Variants in GALM observed in about 807,000 individuals in gnomAD.
GALM encodes galactose mutarotase.
GALM carries 43 observed loss-of-function variants against 37.4 expected under a neutral mutation model. The ratio of observed to expected loss-of-function variants is 1.15; its 90% CI spans 0.90 to 1.48. The LOEUF is 1.48. GALM is among the 40% of genes most tolerant of loss of function. The pLI, the probability that GALM is intolerant of heterozygous loss-of-function variation, is 0.00. For synonymous variants in GALM, 199 were observed against 170.6 expected, an observed-to-expected ratio of 1.17 and a Z score of -1.30; for missense variants, 456 against 419.1, an observed-to-expected ratio of 1.09 and a Z score of -0.77.
Position 38,693,077 on chromosome 2 carries a change from C to T in GALM, c.634+3183C>T, listed in dbSNP as rs116163922. On this transcript the variant is annotated intron_variant, in intron 4 of 6. Transcript: ENST00000272252. ...CCCAGGCTGGCCTGGAGCTCAAGGC[C>T]GATCCACATAGCTGACTCACAGGTG... 5.7e-3 allele frequency among the ~76,000 whole-genome samples: 868 copies of T among 152,240 alleles called. 11 individuals carry two copies. Among genetic ancestry groups the T allele is most frequent in the African/African-American group, 0.019 (779 of 41,538 alleles).
chr2:38,677,481 T>A (rs190580177), intron 2 of GALM, among the ~76,000 whole-genome samples: 41 of 152,242 alleles, frequency 2.7e-4, no homozygotes, highest in African/African-American at 9.6e-4. Context: ...GAGGGCAGCA[T>A]GTGCTCTGCC....
At chr2:38,703,583 AGGTCCT>A (rs1665975098) in intron 4 of GALM, among the ~76,000 whole-genome samples, 1 of 152,164 alleles carries the variant, frequency 6.6e-6, no homozygotes, top group Non-Finnish European at 1.5e-5. Flanking sequence ...TTGAACTCTG[AGGTCCT>A]GTCCATTTCT....
intron 4 of GALM, among the ~76,000 whole-genome samples, chr2:38,713,983 T>C (rs989085624): frequency 3.3e-5 from 5 of 151,782 alleles, no homozygotes; most frequent in Non-Finnish European, 7.4e-5. Flanking sequence ...CCAATGATAA[T>C]AATTGGACTT....
intron 4 of GALM, among the ~76,000 whole-genome samples, chr2:38,728,382 A>T (rs1485743140): frequency 6.8e-6 from 1 of 147,644 alleles, no homozygotes; most frequent in East Asian, 2.0e-4. Context: ...CGACGAGCAA[A>T]ACTCTGTCTC....
Position 38,731,772 on chromosome 2 carries a change from TA to T in GALM, c.815del (p.Tyr272SerfsTer19), listed in dbSNP as rs1558599861. The T allele has an allele frequency of 6.2e-7, 1 of 1,614,016 alleles. No individual in the cohort carries two copies. The highest frequency in any genetic ancestry group is 2.2e-5 in the East Asian group (1 of 44,878). ...TGCAAGCGGGCGGGTACTAGAAGTATACACCACCCAGCCCGGGGTCCAGTTT... is the reference window on the plus strand; with the variant it reads ...TGCAAGCGGGCGGGTACTAGAAGTATCACCACCCAGCCCGGGGTCCAGTTT... ...HAASGRVLEV[Y>X]TTQPGVQFYT... On this transcript the variant is annotated frameshift_variant, in exon 6 of 7. Transcript: ENST00000272252. LOFTEE classifies it high-confidence loss of function.
chr2:38,670,540 C>T (rs73933117), intron 1 of GALM, among the ~76,000 whole-genome samples: 11,346 of 152,180 alleles, frequency 0.075, 566 homozygotes, highest in East Asian at 0.15. Flanking sequence ...TGTGCGACCC[C>T]GGGCAATTTA....
intron 4 of GALM, among the ~76,000 whole-genome samples, chr2:38,712,753 C>CAATATAAGGAACA (rs1666196337): frequency 6.6e-6 from 1 of 152,128 alleles, no homozygotes; most frequent in African/African-American, 2.4e-5. Context: ...AAAGGAGGAG[C>CAATATAAGGAACA]GCAGGACAGC....
chr2:38,717,182 C>T (rs1336462466), intron 4 of GALM, among the ~76,000 whole-genome samples: 3 of 151,116 alleles, frequency 2.0e-5, no homozygotes, highest in Admixed American at 6.6e-5. Context: ...CCTGGGAGGC[C>T]GAGGTTGCAG....
intron 4 of GALM, among the ~76,000 whole-genome samples, chr2:38,700,610 G>A (rs1380779374): frequency 3.9e-5 from 6 of 151,918 alleles, no homozygotes. Flanking sequence ...CAGTCTATGT[G>A]TGTCGTTACA....
chr2:38,699,188 A>G (rs996347776), intron 4 of GALM, among the ~76,000 whole-genome samples: 1 of 152,180 alleles, frequency 6.6e-6, no homozygotes, highest in Non-Finnish European at 1.5e-5. Flanking sequence ...TGCTGGGGTT[A>G]CAGGCATGAG....
In GALM at chr2:38,666,242, C is replaced by G; in HGVS notation, c.81C>G (p.Asp27Glu). 6.2e-7 allele frequency: 1 copy of G among 1,614,020 alleles called. No homozygotes were observed. ...GTVEKFQLQSDLLRVDIISWG... is the reference protein window; with the variant it reads ...GTVEKFQLQSELLRVDIISWG... ...TGGAGAAGTTCCAGCTGCAGTCAGA[C>G]CTCTTGAGAGTGGACATCATCTCCT... Residue 27 changes from aspartate (D) to glutamate (E), a missense_variant, in exon 1 of 7, where the codon GAC becomes GAG. By Grantham distance (45) the Asp-to-Glu change is conservative. Coordinates refer to ENST00000272252, the MANE Select transcript of GALM (RefSeq NM_138801.3).
intron 5 of GALM, 54 bp downstream of exon 5, chr2:38,729,751 A>G (rs2148459651): frequency 6.7e-7 from 1 of 1,491,654 alleles, no homozygotes; most frequent in South Asian, 1.1e-5. Context: ...ACCAAGTCCT[A>G]TTTTCCTTTG....
At chr2:38,676,133 C>G in intron 2 of GALM, 67 bp downstream of exon 2, 1 of 1,513,828 alleles carries the variant, frequency 6.6e-7, no homozygotes, top group East Asian at 2.3e-5. Flanking sequence ...GCTTGCCAGG[C>G]ACAGTCATAG....
chr2:38,683,261 G>A (rs750129513), intron 3 of GALM, among the ~76,000 whole-genome samples: 9 of 152,080 alleles, frequency 5.9e-5, no homozygotes, highest in Non-Finnish European at 8.8e-5. Flanking sequence ...TTGGAGTGAC[G>A]GGTATTTCTG....
At chr2:38,702,880 T>C (rs1471776909) in intron 4 of GALM, among the ~76,000 whole-genome samples, 1 of 146,532 alleles carries the variant, frequency 6.8e-6, no homozygotes, top group African/African-American at 2.5e-5. Flanking sequence ...TCCTTTACAT[T>C]TGTTTTAAAC....
intron 4 of GALM, among the ~76,000 whole-genome samples, chr2:38,707,676 C>T (rs1666058168): frequency 6.6e-6 from 1 of 152,166 alleles, no homozygotes; most frequent in Non-Finnish European, 1.5e-5. Context: ...CCCAACTAGG[C>T]AGCTTTCTTG....
chr2:38,729,557 A>G lies in GALM; in HGVS notation c.636A>G (p.Gly212=). The change falls in exon 5 of 7, where the codon GGA becomes GGG. Residue 212 remains glycine (G), a splice_region_variant and synonymous_variant. Coordinates refer to ENST00000272252, the MANE Select transcript of GALM (RefSeq NM_138801.3). Reference sequence around the variant, plus strand: ...TTGTTTTCTGTCTCTTCCCATCAGGAGAAGTTGCCCCAGTGCAAGGCACTG... The same window carrying G: ...TTGTTTTCTGTCTCTTCCCATCAGGGGAAGTTGCCCCAGTGCAAGGCACTG... ...LPVDETLIPT[G]EVAPVQGTAF... The G allele has an allele frequency of 6.2e-7, 1 of 1,612,852 alleles. No individual in the cohort carries two copies. The highest frequency in any genetic ancestry group is 8.5e-7 in the Non-Finnish European group (1 of 1,179,350).
chr2:38,681,410 T>A lies in GALM; in HGVS notation c.476T>A (p.Val159Asp). The change falls in exon 3 of 7, where the codon GTC becomes GAC. Residue 159 changes from valine to aspartate, a missense_variant. Physicochemically the swap from Val to Asp is radical, Grantham distance 152 (BLOSUM62 -3). Coordinates refer to ENST00000272252, the MANE Select transcript of GALM (RefSeq NM_138801.3). ...ACCCTGGATGGCGGAGAGCTCATAG[T>A]CAACTACAGAGCACAAGCCAGTCAG... The part of the protein sequence containing the change: ...TYTLDGGELI[V>D]NYRAQASQAT... The A allele has an allele frequency of 4.3e-6, 7 of 1,614,134 alleles. No homozygotes were observed. The highest frequency in any genetic ancestry group is 5.9e-6 in the Non-Finnish European group (7 of 1,179,984).
At chr2:38,722,210 A>G (rs941421934) in intron 4 of GALM, among the ~76,000 whole-genome samples, 3 of 152,070 alleles carry the variant, frequency 2.0e-5, no homozygotes, top group South Asian at 4.2e-4. Flanking sequence ...GAAGTCCGTC[A>G]TGAGAATCAC....
Sources: allele counts gnomAD v4.1 joint callset (sites outside exome capture counted in the v4.1 genomes callset), GRCh38; gene constraint gnomAD v4.1.1; transcripts MANE v1.5; gene names NCBI Gene and HGNC (gene_info 2026-07-23, HGNC 2026-07-21).